The following PHACTR3 variants were observed in gnomAD, a reference collection of about 807,000 sequenced individuals.
PHACTR3 encodes protein phosphatase 1, regulatory subunit 123.
Under a neutral mutation model 66.8 loss-of-function variants are expected in PHACTR3, and 16 were observed. That is an observed-to-expected ratio of 0.24 (90% CI 0.16 to 0.36). PHACTR3 has a LOEUF of 0.36. PHACTR3 is among the 10% of genes least tolerant of loss of function. The pLI, the probability that PHACTR3 is intolerant of heterozygous loss-of-function variation, is 1.00. For synonymous variants in PHACTR3, 323 were observed against 292.1 expected (o/e 1.11, Z -1.08); for missense variants, 647 against 719.9 (o/e 0.90, Z 1.16).
intron 1 of PHACTR3, among the ~76,000 whole-genome samples, chr20:59,726,915 T>G (rs2038585311): frequency 6.6e-6 from 1 of 152,136 alleles, no homozygotes; most frequent in Non-Finnish European, 1.5e-5. Context: ...TGCACTGTGT[T>G]TTGTCTTTTC....
At chr20:59,723,864 C>T (rs868186598) in intron 1 of PHACTR3, among the ~76,000 whole-genome samples, 1 of 151,832 alleles carries the variant, frequency 6.6e-6, no homozygotes, top group Non-Finnish European at 1.5e-5. Context: ...GGTTACATGG[C>T]GACTAGGTCT....
At chr20:59,635,159 TTC>T (rs1336384049) in intron 1 of PHACTR3, among the ~76,000 whole-genome samples, 12 of 66,678 alleles carry the variant, frequency 1.8e-4, no homozygotes, top group East Asian at 8.9e-4. Flanking sequence ...TTTTCTTTCT[TTC>T]TTTCTTTCCT....
At chr20:59,709,139 G>A (rs920468874) in intron 1 of PHACTR3, among the ~76,000 whole-genome samples, 3 of 152,164 alleles carry the variant, frequency 2.0e-5, no homozygotes, top group Non-Finnish European at 4.4e-5. Flanking sequence ...TTTCTACAAC[G>A]TTCAGTCTCT....
intron 1 of PHACTR3, among the ~76,000 whole-genome samples, chr20:59,625,294 G>A (rs1384512536): frequency 2.0e-5 from 3 of 152,024 alleles, no homozygotes; most frequent in Non-Finnish European, 2.9e-5. Context: ...GAAGGTGCGT[G>A]GAACTGGTGT....
intron 6 of PHACTR3, 67 bp downstream of exon 6, chr20:59,773,520 G>A (rs2040426899): frequency 2.0e-6 from 3 of 1,478,110 alleles, no homozygotes. Flanking sequence ...CTCAGGCTGT[G>A]CAGCTCATGC....
At chr20:59,643,818 G>T (rs546771545) in intron 1 of PHACTR3, among the ~76,000 whole-genome samples, 1 of 152,166 alleles carries the variant, frequency 6.6e-6, no homozygotes, top group Non-Finnish European at 1.5e-5. Flanking sequence ...AGTGAAAAGG[G>T]GGGTGGGGAT....
intron 1 of PHACTR3, among the ~76,000 whole-genome samples, chr20:59,663,666 C>T (rs1165499264): frequency 2.6e-5 from 4 of 152,194 alleles, no homozygotes; most frequent in African/African-American, 9.7e-5. Context: ...GACGATGCCG[C>T]GTGCAGGAGG....
intron 1 of PHACTR3, 31 bp downstream of exon 1, chr20:59,605,163 T>A (rs2033614910): frequency 6.3e-5 from 43 of 686,870 alleles, no homozygotes; most frequent in Non-Finnish European, 8.1e-5. Flanking sequence ...GGCGGGCGGG[T>A]CGGGGAGGCC....
chr20:59,601,692 G>A (rs1421943545), upstream of PHACTR3, among the ~76,000 whole-genome samples: 1 of 152,260 alleles, frequency 6.6e-6, no homozygotes, highest in Non-Finnish European at 1.5e-5. Flanking sequence ...CTATTGGTCA[G>A]TAGAGGTGGG....
At chr20:59,663,427 T>C (rs1344176719) in intron 1 of PHACTR3, among the ~76,000 whole-genome samples, 3 of 152,142 alleles carry the variant, frequency 2.0e-5, no homozygotes, top group Admixed American at 6.5e-5. Flanking sequence ...GAAACACACA[T>C]GGACGTGTGA....
intron 11 of PHACTR3, chr20:59,844,872 T>C (rs111245696): frequency 5.7e-5 from 10 of 175,606 alleles, no homozygotes; most frequent in Non-Finnish European, 8.4e-5. Flanking sequence ...ATACTGGAGG[T>C]AGACATCCTA....
intron 1 of PHACTR3, among the ~76,000 whole-genome samples, chr20:59,658,252 C>T (rs184721557): frequency 1.2e-3 from 184 of 151,902 alleles, no homozygotes; most frequent in African/African-American, 4.3e-3. Flanking sequence ...ATATTTTGGA[C>T]ATATTTATAA....
chr20:59,677,071 G>A (rs1295591424), intron 1 of PHACTR3, among the ~76,000 whole-genome samples: 2 of 152,070 alleles, frequency 1.3e-5, no homozygotes, highest in African/African-American at 4.8e-5. Context: ...CATGTGAATG[G>A]TATTTTAACC....
intron 4 of PHACTR3, among the ~76,000 whole-genome samples, chr20:59,766,189 G>A (rs2040174698): frequency 6.6e-6 from 1 of 152,180 alleles, no homozygotes; most frequent in Non-Finnish European, 1.5e-5. Flanking sequence ...AGCTGGAGGT[G>A]GGGAAGGGAC....
intron 11 of PHACTR3, among the ~76,000 whole-genome samples, chr20:59,842,936 G>C (rs954522570): frequency 5.3e-5 from 8 of 152,028 alleles, no homozygotes; most frequent in Non-Finnish European, 8.8e-5. Context: ...AGAAAGTCAA[G>C]TTATCCCTCT....
intron 1 of PHACTR3, among the ~76,000 whole-genome samples, chr20:59,593,775 A>G (rs2033252412): frequency 6.6e-6 from 1 of 152,152 alleles, no homozygotes; most frequent in Non-Finnish European, 1.5e-5. Flanking sequence ...TCTCCATTAT[A>G]TTGTCTTGGA....
chr20:59,583,758 G>A (rs890190784), intron 1 of PHACTR3, among the ~76,000 whole-genome samples: 2 of 152,256 alleles, frequency 1.3e-5, no homozygotes, highest in African/African-American at 2.4e-5. Flanking sequence ...GGGAGGACCG[G>A]GGGTCTGGCC....
intron 4 of PHACTR3, among the ~76,000 whole-genome samples, chr20:59,756,532 C>T (rs951512512): frequency 3.3e-5 from 5 of 152,146 alleles, no homozygotes; most frequent in African/African-American, 7.2e-5. Context: ...CGGGGGTGGC[C>T]GTGTCTCTCC....
intron 4 of PHACTR3, 95 bp downstream of exon 4, chr20:59,755,459 T>C: frequency 7.5e-7 from 1 of 1,325,142 alleles, no homozygotes; most frequent in Admixed American, 2.2e-5. Flanking sequence ...ACAGCCCTCG[T>C]AGAACATTGT....
Sources: allele counts gnomAD v4.1 joint callset (sites outside exome capture counted in the v4.1 genomes callset), GRCh38; gene constraint gnomAD v4.1.1; transcripts MANE v1.5; gene names NCBI Gene and HGNC (gene_info 2026-07-23, HGNC 2026-07-21).